PLS3: variants seen among roughly 807,000 people sequenced by gnomAD.
The protein encoded by PLS3 is plastin 3, also known as plastin-3.
PLS3 carries 11 observed loss-of-function variants against 46.5 expected under a neutral mutation model. The ratio of observed to expected loss-of-function variants is 0.24; its 90% CI spans 0.15 to 0.39. The LOEUF (loss-of-function observed/expected upper bound fraction) is 0.39, where lower values mean the gene tolerates loss of function less well. Among genes scored for constraint, PLS3 ranks in the 10% least tolerant of loss-of-function variants. PLS3 has a pLI of 1.00. For synonymous variants in PLS3, 167 were observed against 162.2 expected, an observed-to-expected ratio of 1.03 and a Z score of -0.22; for missense variants, 308 against 461.8, an observed-to-expected ratio of 0.67 and a Z score of 3.05.
At chrX:115,584,385 A>G (rs1363103666) in intron 1 of PLS3, among the ~76,000 whole-genome samples, 1 of 112,245 alleles carries the variant, frequency 8.9e-6, no homozygotes, top group African/African-American at 3.2e-5. Flanking sequence ...CGAAAACAGT[A>G]GAGCAATTTA....
chrX:115,587,809 AAC>A (rs1556632651), intron 1 of PLS3, among the ~76,000 whole-genome samples: 1 of 111,982 alleles, frequency 8.9e-6, no homozygotes, highest in Admixed American at 9.5e-5. Context: ...CCGAGTATCT[AAC>A]AGATACTTTA....
intron 2 of PLS3, among the ~76,000 whole-genome samples, chrX:115,611,180 T>TTTCTG (rs1423388674): frequency 8.9e-6 from 1 of 112,607 alleles, no homozygotes; most frequent in Non-Finnish European, 1.9e-5. Flanking sequence ...GAAATATACA[T>TTTCTG]TTCTGTTCCC....
chrX:115,646,295 CTTAT>C, intron 12 of PLS3, 103 bp from the exon 13 acceptor site: 1 of 947,109 alleles, frequency 1.1e-6, no homozygotes, highest in Non-Finnish European at 1.5e-6. Context: ...AAAACTGTGT[CTTAT>C]TTGTTTTTGT....
intron 1 of PLS3, among the ~76,000 whole-genome samples, chrX:115,603,960 G>A (rs145642474): frequency 2.7e-4 from 30 of 111,658 alleles, no homozygotes; most frequent in African/African-American, 7.1e-4. Context: ...CAAATTAGGA[G>A]GAATGTGACA....
Position 115,649,767 on chromosome X carries a change from T to C in PLS3, c.*206T>C. ...CTCTTTCCCATAGTCAGAGTTGAATTTGTCAGGCACGCCTGAAATGTGCTC... is the reference window on the plus strand; with the variant it reads ...CTCTTTCCCATAGTCAGAGTTGAATCTGTCAGGCACGCCTGAAATGTGCTC... On this transcript the variant is annotated 3_prime_UTR_variant, in exon 16 of 16. Coordinates refer to ENST00000355899, the MANE Select transcript of PLS3 (RefSeq NM_005032.7). The C allele has an allele frequency of 3.1e-6, 1 of 321,689 alleles. No homozygotes were observed. Among genetic ancestry groups the C allele is most frequent in the Non-Finnish European group, 5.5e-6 (1 of 182,433 alleles). The allele number at this position is 321,689 out of a possible 1,213,427, so 26.5% of individuals were successfully genotyped here.
intron 1 of PLS3, among the ~76,000 whole-genome samples, chrX:115,569,738 C>T (rs1431403562): frequency 9.0e-6 from 1 of 111,313 alleles, no homozygotes; most frequent in Non-Finnish European, 1.9e-5. Flanking sequence ...TCCTCCAGTT[C>T]ACTAGCCTCA....
chrX:115,603,394 T>TC (rs2147472208), intron 1 of PLS3, among the ~76,000 whole-genome samples: 1 of 111,763 alleles, frequency 8.9e-6, no homozygotes, highest in African/African-American at 3.2e-5. Flanking sequence ...TCTACAGCTT[T>TC]CCCTTTTCCT....
chrX:115,585,727 T>G (rs1238575160), intron 1 of PLS3, among the ~76,000 whole-genome samples: 1 of 111,235 alleles, frequency 9.0e-6, no homozygotes, highest in Non-Finnish European at 1.9e-5. Context: ...AAATACATAA[T>G]GTAAAATAGC....
At chrX:115,609,079 G>A (rs1021222932) in intron 1 of PLS3, among the ~76,000 whole-genome samples, 3 of 109,798 alleles carry the variant, frequency 2.7e-5, no homozygotes, top group Non-Finnish European at 5.7e-5. Context: ...TACAAAAAAA[G>A]AGAAAGAAAT....
chrX:115,628,665 T>C lies in PLS3; in HGVS notation c.238-533T>C, dbSNP rs187742161. Among the ~76,000 whole-genome samples the C allele has an allele frequency of 2.7e-5, 3 of 112,180 alleles. No individual in the cohort carries two copies. In the East Asian group the frequency reaches 8.4e-4, roughly 31 times the overall value. On this transcript the variant is annotated intron_variant, in intron 3 of 15. Coordinates refer to ENST00000355899, the MANE Select transcript of PLS3 (RefSeq NM_005032.7). ...CAATCACTGAAAAGCCTCTTTTTGG[T>C]GTTTATTCTTGATAGTCATCTATTA...
At chrX:115,647,405 G>T (rs2074963902) in intron 13 of PLS3, 145 bp from the exon 14 acceptor site, 1 of 542,116 alleles carries the variant, frequency 1.8e-6, no homozygotes, top group African/African-American at 2.4e-5. Flanking sequence ...CTGCACTCCA[G>T]CCTGGGCGAC....
At chrX:115,567,631 AC>A (rs1333410650) in intron 1 of PLS3, among the ~76,000 whole-genome samples, 3 of 109,330 alleles carry the variant, frequency 2.7e-5, no homozygotes, top group Non-Finnish European at 5.7e-5. Flanking sequence ...ACAAAAAAAA[AC>A]AGAAAATGTG....
intron 1 of PLS3, among the ~76,000 whole-genome samples, chrX:115,599,697 A>G (rs1046911472): frequency 1.6e-4 from 17 of 105,795 alleles, no homozygotes; most frequent in African/African-American, 5.9e-4. Flanking sequence ...CAGTGGTCCA[A>G]TCTCGGCTCA....
chrX:115,620,864 TTGTATTTTTAG>T (rs1246321240), intron 2 of PLS3, among the ~76,000 whole-genome samples: 1 of 107,972 alleles, frequency 9.3e-6, no homozygotes, highest in Non-Finnish European at 1.9e-5. Context: ...CAGCTAATTT[TTGTATTTTTAG>T]TGAAGACGGG....
At chrX:115,646,887 A>C (rs782161568) in intron 13 of PLS3, among the ~76,000 whole-genome samples, 5 of 112,436 alleles carry the variant, frequency 4.4e-5, no homozygotes, top group African/African-American at 1.3e-4. Flanking sequence ...GCTGATGAAG[A>C]TCACTATAAT....
At chrX:115,593,380 A>C (rs1176972531) in intron 1 of PLS3, among the ~76,000 whole-genome samples, 1 of 111,266 alleles carries the variant, frequency 9.0e-6, no homozygotes, top group Non-Finnish European at 1.9e-5. Flanking sequence ...TTCTCTGTAA[A>C]TGCTGCATTT....
chrX:115,571,041 C>T (rs2074212170), intron 1 of PLS3, among the ~76,000 whole-genome samples: 1 of 109,289 alleles, frequency 9.2e-6, no homozygotes, highest in African/African-American at 3.3e-5. Context: ...ACTACAGGTG[C>T]CCACCACCAT....
chrX:115,563,657 AC>A (rs2147404922), intron 1 of PLS3, among the ~76,000 whole-genome samples: 1 of 111,581 alleles, frequency 9.0e-6, no homozygotes, highest in East Asian at 2.8e-4. Flanking sequence ...TTTGCCAAAA[AC>A]CCTTTGTCTC....
At chrX:115,588,733 T>C in intron 1 of PLS3, among the ~76,000 whole-genome samples, 1 of 110,549 alleles carries the variant, frequency 9.0e-6, no homozygotes, top group Non-Finnish European at 1.9e-5. Flanking sequence ...ACTTTTCTCC[T>C]ATTCCCCTCT....
Sources: allele counts gnomAD v4.1 joint callset (sites outside exome capture counted in the v4.1 genomes callset), GRCh38; gene constraint gnomAD v4.1.1; transcripts MANE v1.5; gene names NCBI Gene and HGNC (gene_info 2026-07-23, HGNC 2026-07-21).